The following CBLN2 variants were observed in gnomAD, a reference collection of about 807,000 sequenced individuals.
CBLN2 encodes cerebellin-2.
Under a neutral mutation model 15.0 loss-of-function variants are expected in CBLN2, and 7 were observed. The observed-to-expected ratio is 0.47, with a 90% CI of 0.27 to 0.88. The LOEUF is 0.88. Among genes scored for constraint, CBLN2 ranks in the 40% least tolerant of loss-of-function variants. The pLI is 0.14. For missense variants in CBLN2, 242 were observed against 304.5 expected, an observed-to-expected ratio of 0.79 and a Z score of 1.53; for synonymous variants, 149 against 135.2, an observed-to-expected ratio of 1.10 and a Z score of -0.71.
upstream of CBLN2, among the ~76,000 whole-genome samples, chr18:72,548,313 C>T (rs79622897): frequency 1.8e-4 from 28 of 152,262 alleles, no homozygotes; most frequent in African/African-American, 6.7e-4. Context: ...AGATCTAGAT[C>T]GAATAGGACC....
chr18:72,573,280 G>A (rs1304497057), intron 1 of CBLN2, among the ~76,000 whole-genome samples: 1 of 152,044 alleles, frequency 6.6e-6, no homozygotes, highest in African/African-American at 2.4e-5. Context: ...TATCTTGGGG[G>A]GAAGGTAGAC....
At chr18:72,621,890 T>G (rs2069703152) in intron 1 of CBLN2, among the ~76,000 whole-genome samples, 1 of 152,170 alleles carries the variant, frequency 6.6e-6, no homozygotes, top group Non-Finnish European at 1.5e-5. Context: ...GTTTTTCAGT[T>G]GAGAAAACAG....
intron 3 of CBLN2, among the ~76,000 whole-genome samples, chr18:72,540,552 C>A (rs1001941969): frequency 3.3e-5 from 5 of 152,088 alleles, no homozygotes; most frequent in African/African-American, 1.2e-4. Context: ...GTAAAGGAAA[C>A]CTTACTAATA....
intron 3 of CBLN2, chr18:72,539,237 G>T (rs993975506): frequency 3.1e-5 from 5 of 160,696 alleles, no homozygotes; most frequent in African/African-American, 1.2e-4. Context: ...GTAGAGAAGC[G>T]GCTATGGGGC....
intron 1 of CBLN2, among the ~76,000 whole-genome samples, chr18:72,563,664 A>G (rs570193169): frequency 1.3e-5 from 2 of 152,206 alleles, no homozygotes; most frequent in East Asian, 1.9e-4. Flanking sequence ...ACAATTCAAT[A>G]GGCCATTCAC....
chr18:72,619,363 C>G, intron 1 of CBLN2: 1 of 516,002 alleles, frequency 1.9e-6, no homozygotes, highest in Admixed American at 2.3e-5. Context: ...ATGTTTTTGA[C>G]AAATACTCAT....
At chr18:72,551,008 A>G (rs1003326408) in intron 1 of CBLN2, among the ~76,000 whole-genome samples, 1 of 152,130 alleles carries the variant, frequency 6.6e-6, no homozygotes, top group African/African-American at 2.4e-5. Flanking sequence ...GTGTAAGAGT[A>G]ACACATATAC....
chr18:72,538,882 C>T lies in CBLN2; in HGVS notation c.358-110G>A, dbSNP rs905017927. The T allele has an allele frequency of 2.1e-6, 3 of 1,423,246 alleles. No individual in the cohort carries two copies. In the African/African-American group the frequency reaches 4.3e-5, roughly 20 times the overall value. 88.2% of individuals were successfully genotyped at this position (1,423,246 alleles called of 1,614,324 possible). On this transcript the variant is annotated intron_variant, in intron 3 of 4. Transcript: ENST00000269503. ...TGCCTCCTTCATCAGCGGCTGGGAA[C>T]ACAAATTCAGCATCCTCAGCATTCT...
intron 1 of CBLN2, among the ~76,000 whole-genome samples, chr18:72,573,464 T>C (rs925782320): frequency 6.6e-6 from 1 of 152,206 alleles, no homozygotes; most frequent in African/African-American, 2.4e-5. Flanking sequence ...CCCTAAGCCA[T>C]GGCAACCACT....
intron 1 of CBLN2, among the ~76,000 whole-genome samples, chr18:72,613,055 A>G (rs932498556): frequency 3.3e-5 from 5 of 152,108 alleles, no homozygotes; most frequent in African/African-American, 1.2e-4. Flanking sequence ...CATCACCCTG[A>G]TCTGTGCCTT....
chr18:72,632,430 T>A (rs1216613585), intron 1 of CBLN2, among the ~76,000 whole-genome samples: 1 of 152,214 alleles, frequency 6.6e-6, no homozygotes, highest in African/African-American at 2.4e-5. Context: ...ACAAGTTAAA[T>A]ACCTCAGACT....
chr18:72,635,699 G>A (rs1322241112), intron 1 of CBLN2, among the ~76,000 whole-genome samples: 1 of 152,054 alleles, frequency 6.6e-6, no homozygotes, highest in Admixed American at 6.6e-5. Flanking sequence ...AAATTCAAGA[G>A]AGACTCAGAT....
In CBLN2 at chr18:72,584,319, T is replaced by A. The variant is rs563702696; in HGVS notation, c.16-45547A>T. Reference sequence around the variant, plus strand: ...AAAAAAAAATTACCAATCCTTTTTTTTTTTTTCCCCTGAGACGAAGTCTTG... The same window carrying A: ...AAAAAAAAATTACCAATCCTTTTTTATTTTTTCCCCTGAGACGAAGTCTTG... On this transcript the variant is annotated intron_variant, in intron 1 of 2. Coordinates refer to the CBLN2 transcript ENST00000581073. 2.0e-5 allele frequency among the ~76,000 whole-genome samples: 3 copies of A among 152,086 alleles called. No individual in the cohort carries two copies. The South Asian group carries it at 6.2e-4, about 32-fold the overall frequency.
chr18:72,624,742 T>C (rs1188578348), intron 1 of CBLN2, among the ~76,000 whole-genome samples: 1 of 152,228 alleles, frequency 6.6e-6, no homozygotes, highest in Admixed American at 6.5e-5. Flanking sequence ...ATAGCTTATG[T>C]TTTCCTTACA....
At chr18:72,579,295 T>C (rs2069387953) in intron 1 of CBLN2, among the ~76,000 whole-genome samples, 1 of 152,228 alleles carries the variant, frequency 6.6e-6, no homozygotes, top group South Asian at 2.1e-4. Flanking sequence ...ATCATAAATA[T>C]ATACATATAT....
chr18:72,609,530 C>T (rs1396208417), intron 1 of CBLN2, among the ~76,000 whole-genome samples: 2 of 152,090 alleles, frequency 1.3e-5, no homozygotes, highest in South Asian at 2.1e-4. Context: ...AACTTTATTT[C>T]GCTTAAACCA....
At chr18:72,559,413 G>T (rs753601593) in intron 1 of CBLN2, among the ~76,000 whole-genome samples, 3 of 152,206 alleles carry the variant, frequency 2.0e-5, no homozygotes, top group Non-Finnish European at 4.4e-5. Flanking sequence ...AAAGGCCTGT[G>T]CCAGGCTCAG....
In CBLN2 at chr18:72,544,214, A is replaced by T. The variant is rs1260294085; in HGVS notation, c.-449T>A. 6.6e-6 allele frequency: 1 copy of T among 150,384 alleles called. No individual in the cohort carries two copies. Among genetic ancestry groups the T allele is most frequent in the East Asian group, 2.0e-4 (1 of 5,058 alleles). The allele number at this position is 150,384 out of a possible 1,614,324, so 9.3% of individuals were successfully genotyped here. On this transcript the variant is annotated 5_prime_UTR_variant, in exon 1 of 5. Coordinates refer to ENST00000269503, the MANE Select transcript of CBLN2 (RefSeq NM_182511.4). ...CTGGGACGAAGAGAGGGAAAAAAAA[A>T]GCTTGAGAATTTGATGATTTAGGAG...
chr18:72,600,595 A>G (rs1187080827), intron 1 of CBLN2, among the ~76,000 whole-genome samples: 1 of 152,134 alleles, frequency 6.6e-6, no homozygotes, highest in African/African-American at 2.4e-5. Context: ...AAGGATATGG[A>G]AGGAAAAGGT....
Sources: allele counts gnomAD v4.1 joint callset (sites outside exome capture counted in the v4.1 genomes callset), GRCh38; gene constraint gnomAD v4.1.1; transcripts MANE v1.5; gene names NCBI Gene and HGNC (gene_info 2026-07-23, HGNC 2026-07-21).